The following TMTC1 variants were observed in gnomAD, a reference collection of about 807,000 sequenced individuals.
The protein encoded by TMTC1 is transmembrane O-mannosyltransferase targeting cadherins 1, also known as protein O-mannosyl-transferase TMTC1.
Under a neutral mutation model 104.8 loss-of-function variants are expected in TMTC1, and 73 were observed. The ratio of observed to expected loss-of-function variants is 0.70; its 90% CI spans 0.58 to 0.85. TMTC1 has a LOEUF of 0.85. Among genes scored for constraint, TMTC1 ranks in the 40% least tolerant of loss-of-function variants. The pLI, the probability that TMTC1 is intolerant of heterozygous loss-of-function variation, is 0.00. For synonymous variants in TMTC1, 434 were observed against 428.7 expected, an observed-to-expected ratio of 1.01 and a Z score of -0.15; for missense variants, 1,035 against 1,096.1, an observed-to-expected ratio of 0.94 and a Z score of 0.79.
At chr12:29,683,271 G>C (rs1940981706) in intron 5 of TMTC1, among the ~76,000 whole-genome samples, 1 of 151,898 alleles carries the variant, frequency 6.6e-6, no homozygotes, top group Non-Finnish European at 1.5e-5. Context: ...AGGTCAAGAG[G>C]GTTTAAAACT....
At chr12:29,585,871 G>C (rs1403745362) in intron 7 of TMTC1, among the ~76,000 whole-genome samples, 1 of 152,170 alleles carries the variant, frequency 6.6e-6, no homozygotes, top group Non-Finnish European at 1.5e-5. Flanking sequence ...GTCAGGTAGC[G>C]TGATGCCTCC....
intron 7 of TMTC1, among the ~76,000 whole-genome samples, chr12:29,601,663 C>A (rs1175783476): frequency 6.6e-6 from 1 of 152,154 alleles, no homozygotes; most frequent in Non-Finnish European, 1.5e-5. Flanking sequence ...CTGCCACTCA[C>A]CAGCTATACC....
At chr12:29,694,934 CAACAA>C (rs140290699) in intron 5 of TMTC1, among the ~76,000 whole-genome samples, 20,979 of 151,678 alleles carry the variant, frequency 0.14, 1,717 homozygotes, top group East Asian at 0.34. Context: ...AACTCCATCT[CAACAA>C]AACAAAACAA....
At chr12:29,572,392 G>A (rs759594449) in intron 8 of TMTC1, among the ~76,000 whole-genome samples, 174 bp from the exon 9 acceptor site, 21 of 152,162 alleles carry the variant, frequency 1.4e-4, no homozygotes, top group African/African-American at 4.8e-4. Context: ...TTTACTAAAC[G>A]TTGCTTTCTA....
At chr12:29,723,787 A>C (rs1320125210) in intron 5 of TMTC1, among the ~76,000 whole-genome samples, 7 of 152,164 alleles carry the variant, frequency 4.6e-5, no homozygotes, top group Admixed American at 4.6e-4. Context: ...TTAATCTGTG[A>C]CAGTTTTGGC....
At chr12:29,778,508 G>A (rs184099496) in intron 1 of TMTC1, among the ~76,000 whole-genome samples, 2 of 152,236 alleles carry the variant, frequency 1.3e-5, no homozygotes, top group East Asian at 3.9e-4. Flanking sequence ...CATTTCTCTT[G>A]ATTTCAGGCT....
At chr12:29,541,197 A>G (rs986457381) in intron 10 of TMTC1, among the ~76,000 whole-genome samples, 2 of 152,204 alleles carry the variant, frequency 1.3e-5, no homozygotes, top group African/African-American at 4.8e-5. Context: ...GAAGCAGCCC[A>G]AGCCTAACTT....
At chr12:29,720,177 G>A (rs1942197725) in intron 5 of TMTC1, among the ~76,000 whole-genome samples, 1 of 152,222 alleles carries the variant, frequency 6.6e-6, no homozygotes, top group Admixed American at 6.5e-5. Flanking sequence ...TAGGAAAGGA[G>A]TGGTATTATC....
chr12:29,763,275 A>G (rs1157085647), intron 2 of TMTC1, among the ~76,000 whole-genome samples: 2 of 152,224 alleles, frequency 1.3e-5, no homozygotes, highest in Non-Finnish European at 2.9e-5. Flanking sequence ...TAACACTGAT[A>G]GGCTCTCTTG....
At chr12:29,741,195 C>A (rs943994869) in intron 5 of TMTC1, among the ~76,000 whole-genome samples, 8 of 152,040 alleles carry the variant, frequency 5.3e-5, no homozygotes, top group Non-Finnish European at 1.2e-4. Context: ...AGCTAAGTTC[C>A]AAAGACTTAA....
At chr12:29,697,078 T>G (rs79252719) in intron 5 of TMTC1, among the ~76,000 whole-genome samples, 2,547 of 152,316 alleles carry the variant, frequency 0.017, 81 homozygotes, top group African/African-American at 0.058. Context: ...ACCAATTTAT[T>G]CTCAGAACTT....
chr12:29,598,405 C>G (rs1212445735), intron 7 of TMTC1, among the ~76,000 whole-genome samples: 1 of 152,104 alleles, frequency 6.6e-6, no homozygotes, highest in Non-Finnish European at 1.5e-5. Flanking sequence ...ACTGAAAATT[C>G]CATTTTGAAT....
rs1173855537 is a variant in TMTC1, at chr12:29,783,636, A to C, written c.116T>G (p.Leu39Arg). The C allele has an allele frequency of 6.9e-7, 1 of 1,444,476 alleles. No homozygotes were observed. Among genetic ancestry groups the C allele is most frequent in the African/African-American group, 1.5e-5 (1 of 68,326 alleles). 89.5% of individuals were successfully genotyped at this position (1,444,476 alleles called of 1,614,324 possible). The stretch of plus-strand genomic sequence containing the variant: ...GCCCTGCAGGGAGCGGCCGTAGCAC[A>C]GGCAGCTTGCCCCGGCCAGCAGCGC... The part of the protein sequence containing the change: ...AAALLAGASC[L>R]CYGRSLQGEF... Residue 39 changes from leucine (L) to arginine (R), a missense_variant, in exon 1 of 18, where the codon CTG becomes CGG. Transcript: ENST00000539277. This position sits in a 1 kb window ranked among gnomAD's most constrained non-coding sequence, Gnocchi z 4.7.
intron 1 of TMTC1, among the ~76,000 whole-genome samples, chr12:29,769,921 T>C (rs1046151218): frequency 1.3e-5 from 2 of 151,768 alleles, no homozygotes; most frequent in South Asian, 4.1e-4. Context: ...ATAAACTATA[T>C]ATACATAAGT....
intron 5 of TMTC1, among the ~76,000 whole-genome samples, chr12:29,735,815 A>G (rs575132781): frequency 6.6e-6 from 1 of 152,330 alleles, no homozygotes; most frequent in Non-Finnish European, 1.5e-5. Context: ...CCAGCTAAGC[A>G]TCAACCGTGT....
chr12:29,611,177 C>CTTTT (rs1555176122), intron 6 of TMTC1, among the ~76,000 whole-genome samples: 1 of 130,162 alleles, frequency 7.7e-6, no homozygotes, highest in Admixed American at 7.5e-5. Context: ...TTCTGAACTT[C>CTTTT]TTTTTTTTTT....
chr12:29,729,884 A>G (rs1942500274), intron 5 of TMTC1, among the ~76,000 whole-genome samples: 1 of 152,216 alleles, frequency 6.6e-6, no homozygotes, highest in South Asian at 2.1e-4. Flanking sequence ...CTTCAGACTT[A>G]ACACTGTGTG....
chr12:29,673,482 A>G (rs555832351), intron 5 of TMTC1, among the ~76,000 whole-genome samples: 1 of 152,284 alleles, frequency 6.6e-6, no homozygotes, highest in East Asian at 1.9e-4. Flanking sequence ...TTTTTCGAAC[A>G]TTCTTCTAAT....
At chr12:29,584,022 C>T (rs867430738) in intron 7 of TMTC1, among the ~76,000 whole-genome samples, 2 of 152,220 alleles carry the variant, frequency 1.3e-5, no homozygotes, top group Middle Eastern at 6.8e-3. Context: ...TGTCTGAAAG[C>T]TCTGTGTCAG....
Sources: gnomAD v4.1 joint callset for allele counts (sites outside exome capture counted in the v4.1 genomes callset) on GRCh38, gnomAD v4.1.1 for gene constraint, Gnocchi (gnomAD v3.1) non-coding constraint, MANE v1.5 for transcripts, NCBI Gene and HGNC (gene_info 2026-07-23, HGNC 2026-07-21) for gene names.